PRKD3: variants seen among roughly 807,000 people sequenced by gnomAD.
PRKD3 encodes protein kinase D3.
Under a neutral mutation model 99.2 loss-of-function variants are expected in PRKD3, and 47 were observed. That is an observed-to-expected ratio of 0.47 (90% CI 0.38 to 0.60). The LOEUF (loss-of-function observed/expected upper bound fraction) is 0.60, where lower values mean the gene tolerates loss of function less well. PRKD3 is among the 20% of genes least tolerant of loss of function. The pLI, the probability that PRKD3 is intolerant of heterozygous loss-of-function variation, is 0.00. For synonymous variants in PRKD3, 392 were observed against 355.4 expected (o/e 1.10, Z -1.16); for missense variants, 1,019 against 1,088.4 (o/e 0.94, Z 0.90).
rs58356461 is a variant in PRKD3, at chr2:37,252,847, TTA to T, written c.*328_*329del. ...AAAACAAACAAACATATATTTATAT[TTA>T]TATATATATATATAAAGAGAAATGG... On this transcript the variant is annotated 3_prime_UTR_variant, in exon 19 of 19. Coordinates refer to ENST00000234179, the MANE Select transcript of PRKD3 (RefSeq NM_005813.6). The T allele has an allele frequency of 1.2e-4, 17 of 145,028 alleles. No homozygotes were observed. Among genetic ancestry groups the T allele is most frequent in the East Asian group, 4.1e-4 (2 of 4,908 alleles). 9.0% of individuals were successfully genotyped at this position (145,028 alleles called of 1,614,324 possible). A position where few individuals can be genotyped will look rare whatever the true frequency, so the allele number is the denominator to read the frequency against.
intron 8 of PRKD3, chr2:37,279,512 A>C (rs2148550595): frequency 3.4e-6 from 1 of 298,318 alleles, no homozygotes; most frequent in South Asian, 1.3e-4. Context: ...AGAACAAAAA[A>C]CAAAAAACGA....
chr2:37,292,332 T>C (rs1670468157), intron 3 of PRKD3, among the ~76,000 whole-genome samples: 1 of 151,794 alleles, frequency 6.6e-6, no homozygotes, highest in African/African-American at 2.4e-5. Context: ...CAGTTTATTT[T>C]CCTATCCTGA....
chr2:37,301,953 G>A (rs11899003), intron 2 of PRKD3, among the ~76,000 whole-genome samples: 6,813 of 152,224 alleles, frequency 0.045, 167 homozygotes, highest in African/African-American at 0.052. Flanking sequence ...AGTGGGTAGA[G>A]CACTGTAGAA....
In PRKD3 at chr2:37,252,839, A is replaced by ATTTATATT. The variant is rs1558516084; in HGVS notation, c.*330_*337dup. On this transcript the variant is annotated 3_prime_UTR_variant, in exon 19 of 19. Transcript: ENST00000234179. ...TCATTAAAAAAACAAACAAACATAT[A>ATTTATATT]TTTATATTTATATATATATATATAA... The ATTTATATT allele has an allele frequency of 5.1e-5, 5 of 98,864 alleles. No homozygotes were observed. Among genetic ancestry groups the ATTTATATT allele is most frequent in the African/African-American group, 1.7e-4 (5 of 30,212 alleles). 6.1% of individuals were successfully genotyped at this position (98,864 alleles called of 1,614,324 possible).
At chr2:37,297,938 G>C (rs937456145) in intron 2 of PRKD3, among the ~76,000 whole-genome samples, 1 of 152,136 alleles carries the variant, frequency 6.6e-6, no homozygotes, top group Non-Finnish European at 1.5e-5. Context: ...ATTATGAGCA[G>C]AGCACTTAAG....
chr2:37,265,629 T>G (rs751817744), intron 14 of PRKD3, among the ~76,000 whole-genome samples: 1 of 152,114 alleles, frequency 6.6e-6, no homozygotes, highest in African/African-American at 2.4e-5. Flanking sequence ...GAAAAAGTAC[T>G]TAAGTATAAA....
At chr2:37,256,373 GAA>G (rs1008290750) in intron 17 of PRKD3, among the ~76,000 whole-genome samples, 2 of 152,188 alleles carry the variant, frequency 1.3e-5, no homozygotes, top group Admixed American at 6.5e-5. Flanking sequence ...GGAAGGACCA[GAA>G]AAGAGTTTAA....
chr2:37,324,825 C>T lies in PRKD3; in HGVS notation c.-800G>A, dbSNP rs988906812. On this transcript the variant is annotated 5_prime_UTR_variant, in exon 1 of 19. Coordinates refer to ENST00000234179, the MANE Select transcript of PRKD3 (RefSeq NM_005813.6). ...CCTCCCTCCCCGTCCCGTCCTGGGG[C>T]CGGAGGGCGGGGGGCCGGGGCGCGC... 81 of 150,546 alleles carry T rather than the reference C, an allele frequency of 5.4e-4. No individual in the cohort carries two copies. The highest frequency in any genetic ancestry group is 1.8e-3 in the African/African-American group (76 of 41,330). 9.3% of individuals were successfully genotyped at this position (150,546 alleles called of 1,614,324 possible).
In PRKD3 at chr2:37,274,833, T is replaced by A. The variant is rs17020423; in HGVS notation, c.1375-136A>T. On this transcript the variant is annotated intron_variant, in intron 10 of 18. Transcript: ENST00000234179. ...CAAGTATGCAACATTTAATACACAG[T>A]TGAGTCTTATGACATGGCCTGTCTT... 2.2e-5 allele frequency: 19 copies of A among 856,412 alleles called. 1 individual carries two copies. The South Asian group carries it at 3.2e-4, about 14-fold the overall frequency. The allele number at this position is 856,412 out of a possible 1,614,324, so 53.1% of individuals were successfully genotyped here.
intron 2 of PRKD3, among the ~76,000 whole-genome samples, chr2:37,306,161 G>T (rs1290230379): frequency 6.6e-6 from 1 of 151,742 alleles, no homozygotes; most frequent in Non-Finnish European, 1.5e-5. Context: ...CTGTAAGATG[G>T]GCGAGGCTTC....
At chr2:37,324,650 C>G (rs1558590370) in intron 1 of PRKD3, 31 bp downstream of exon 1, 1 of 151,236 alleles carries the variant, frequency 6.6e-6, no homozygotes, top group Non-Finnish European at 1.5e-5. Flanking sequence ...TTTTCGGTGT[C>G]TGTTCAGCGC....
At chr2:37,319,012 T>C (rs1178788123) in intron 1 of PRKD3, among the ~76,000 whole-genome samples, 1 of 152,188 alleles carries the variant, frequency 6.6e-6, no homozygotes, top group East Asian at 1.9e-4. Context: ...TTATTAGGCT[T>C]CTTAGCTGGA....
chr2:37,260,414 A>T (rs1321578473), intron 14 of PRKD3, 30 bp from the exon 15 acceptor site: 6 of 1,574,394 alleles, frequency 3.8e-6, no homozygotes, highest in Non-Finnish European at 5.2e-6. Context: ...TACATGAGCA[A>T]CTTAAGCAGA....
chr2:37,289,275 T>C lies in PRKD3; in HGVS notation c.717+81A>G, dbSNP rs151270139. The C allele has an allele frequency of 3.1e-4, 443 of 1,426,366 alleles. 3 individuals are homozygous for C. The Middle Eastern group carries it at 3.2e-3, about 10-fold the overall frequency. 88.4% of individuals were successfully genotyped at this position (1,426,366 alleles called of 1,614,324 possible). A position where few individuals can be genotyped will look rare whatever the true frequency, so the allele number is the denominator to read the frequency against. On this transcript the variant is annotated intron_variant, in intron 5 of 18. Transcript: ENST00000234179. Reference sequence around the variant, plus strand: ...TTACCATTCTTTAGCATATAAATTATGTTCTAGAGTGATGTCATACACCCT... The same window carrying C: ...TTACCATTCTTTAGCATATAAATTACGTTCTAGAGTGATGTCATACACCCT...
At chr2:37,296,045 C>T (rs1670660653) in intron 2 of PRKD3, among the ~76,000 whole-genome samples, 1 of 151,942 alleles carries the variant, frequency 6.6e-6, no homozygotes, top group Non-Finnish European at 1.5e-5. Context: ...GAAACTACAG[C>T]AAGTAAATGG....
intron 2 of PRKD3, among the ~76,000 whole-genome samples, chr2:37,314,656 A>T (rs1433928201): frequency 6.6e-6 from 1 of 151,726 alleles, no homozygotes; most frequent in East Asian, 1.9e-4. Context: ...AAGTAAATGA[A>T]ATTTCCAAAG....
chr2:37,283,572 C>T (rs1027715882), intron 6 of PRKD3, among the ~76,000 whole-genome samples: 11 of 152,156 alleles, frequency 7.2e-5, no homozygotes, highest in African/African-American at 2.7e-4. Context: ...CTTGTTAAGA[C>T]AGGCCCTAGG....
chr2:37,250,900 C>G lies in PRKD3; in HGVS notation c.*2277G>C, dbSNP rs919607835. ...AAAAGTTATGCAGGTTATACAGTAT[C>G]TGGAATAATCATTCAACTCCAGATT... On this transcript the variant is annotated 3_prime_UTR_variant, in exon 19 of 19. Coordinates refer to ENST00000234179, the MANE Select transcript of PRKD3 (RefSeq NM_005813.6). 2 of 152,732 alleles carry G rather than the reference C, an allele frequency of 1.3e-5. No individual in the cohort carries two copies. The highest frequency in any genetic ancestry group is 2.1e-4 in the South Asian group (1 of 4,832). 9.5% of individuals were successfully genotyped at this position (152,732 alleles called of 1,614,324 possible).
Position 37,254,253 on chromosome 2 carries a change from A to G in PRKD3, c.2450T>C (p.Met817Thr). 6.2e-7 allele frequency: 1 copy of G among 1,612,962 alleles called. No homozygotes were observed. Among genetic ancestry groups the G allele is most frequent in the Non-Finnish European group, 8.5e-7 (1 of 1,178,946 alleles). Residue 817 changes from methionine (M) to threonine (T), a missense_variant, in exon 18 of 19, where the codon ATG becomes ACG. Coordinates refer to ENST00000234179, the MANE Select transcript of PRKD3 (RefSeq NM_005813.6). ...DLINNLLQVK[M>T]RKRYSVDKSL... is the part of the protein sequence containing the mutation. ...TTTGTCAACACTGTAACGTTTTCTC[A>G]TCTTCACTTGAAGCAGATTGTTTAT...
Sources: gnomAD v4.1 joint callset for allele counts (sites outside exome capture counted in the v4.1 genomes callset) on GRCh38, gnomAD v4.1.1 for gene constraint, MANE v1.5 for transcripts, NCBI Gene and HGNC (gene_info 2026-07-23, HGNC 2026-07-21) for gene names.